The following BNC2 variants were observed in gnomAD, a reference collection of about 807,000 sequenced individuals.
BNC2 encodes basonuclin zinc finger protein 2, also known as zinc finger protein basonuclin-2.
A neutral mutation model predicts 76.3 loss-of-function variants in BNC2; 20 were observed. The ratio of observed to expected loss-of-function variants is 0.26; its 90% CI spans 0.18 to 0.38. The LOEUF (loss-of-function observed/expected upper bound fraction) is 0.38, where lower values mean the gene tolerates loss of function less well. BNC2 is among the 10% of genes least tolerant of loss of function. The probability of loss-of-function intolerance (pLI) is 1.00; values close to 1 mark genes in which losing one functional copy is unlikely to be tolerated. For missense variants in BNC2, 1,382 were observed against 1,399.8 expected, an observed-to-expected ratio of 0.99 and a Z score of 0.20; for synonymous variants, 582 against 514.8, an observed-to-expected ratio of 1.13 and a Z score of -1.77.
chr9:16,611,494 C>T (rs1027691647), intron 3 of BNC2, among the ~76,000 whole-genome samples: 1 of 152,070 alleles, frequency 6.6e-6, no homozygotes, highest in Non-Finnish European at 1.5e-5. Flanking sequence ...TCCAGGTTCC[C>T]AAGCAGCTCC....
intron 5 of BNC2, among the ~76,000 whole-genome samples, chr9:16,443,277 T>A (rs1381410999): frequency 6.6e-6 from 1 of 152,124 alleles, no homozygotes. Context: ...TAAAACAAAA[T>A]CAGAGGTTTG....
At chr9:16,799,637 C>T (rs1817735211) in intron 1 of BNC2, among the ~76,000 whole-genome samples, 1 of 152,072 alleles carries the variant, frequency 6.6e-6, no homozygotes, top group South Asian at 2.1e-4. Context: ...AAAATTAATC[C>T]CATTGTATTT....
chr9:16,599,409 G>A (rs147135242), intron 3 of BNC2, among the ~76,000 whole-genome samples: 68 of 152,288 alleles, frequency 4.5e-4, no homozygotes, highest in African/African-American at 1.6e-3. Flanking sequence ...GTACAAAAAC[G>A]TGTCATAACA....
intron 6 of BNC2, among the ~76,000 whole-genome samples, chr9:16,434,590 C>T (rs1256021746): frequency 6.6e-6 from 1 of 152,164 alleles, no homozygotes; most frequent in Non-Finnish European, 1.5e-5. Flanking sequence ...TGCTCACAAG[C>T]TTATCTGAAC....
chr9:16,555,067 T>A (rs113729359), intron 4 of BNC2, among the ~76,000 whole-genome samples: 2 of 151,490 alleles, frequency 1.3e-5, no homozygotes, highest in Non-Finnish European at 1.5e-5. Context: ...TCGCCCAGGC[T>A]GGAGGGCAGT....
At chr9:16,794,448 A>G (rs528191951) in intron 1 of BNC2, among the ~76,000 whole-genome samples, 6 of 152,296 alleles carry the variant, frequency 3.9e-5, no homozygotes, top group African/African-American at 1.4e-4. Context: ...GGGAAGAGAG[A>G]GGTGGGATAG....
chr9:16,623,899 CTTGT>C (rs1317582815), intron 3 of BNC2, among the ~76,000 whole-genome samples: 1 of 152,128 alleles, frequency 6.6e-6, no homozygotes, highest in Non-Finnish European at 1.5e-5. Context: ...TTTTTGTCTC[CTTGT>C]TTAATGTTTC....
chr9:16,428,519 T>C (rs1003700832), intron 6 of BNC2, among the ~76,000 whole-genome samples: 1 of 152,240 alleles, frequency 6.6e-6, no homozygotes, highest in Admixed American at 6.5e-5. Flanking sequence ...ATGTGGATGT[T>C]TATGTGTAAA....
At chr9:16,774,098 T>C (rs1327833440) in intron 1 of BNC2, among the ~76,000 whole-genome samples, 1 of 152,074 alleles carries the variant, frequency 6.6e-6, no homozygotes, top group Non-Finnish European at 1.5e-5. Flanking sequence ...TCTCATGCCT[T>C]ATCCTCCCAA....
chr9:16,759,190 G>T (rs1825479585), intron 1 of BNC2, among the ~76,000 whole-genome samples: 1 of 152,130 alleles, frequency 6.6e-6, no homozygotes, highest in African/African-American at 2.4e-5. Context: ...AGAAAGATAT[G>T]ATTTCATACA....
At chr9:16,840,395 G>T (rs1162170744) in intron 1 of BNC2, among the ~76,000 whole-genome samples, 1 of 152,204 alleles carries the variant, frequency 6.6e-6, no homozygotes, top group Non-Finnish European at 1.5e-5. Flanking sequence ...CGCAGTTAAT[G>T]AATGCCCATA....
rs1305346724 is a variant in BNC2, at chr9:16,738,359, C to A, written c.129+1G>T. 1.2e-6 allele frequency: 2 copies of A among 1,613,806 alleles called. No individual in the cohort carries two copies. Among genetic ancestry groups the A allele is most frequent in the African/African-American group, 1.3e-5 (1 of 75,012 alleles). On this transcript the variant is annotated splice_donor_variant, in intron 2 of 6. Coordinates refer to ENST00000380672, the MANE Select transcript of BNC2 (RefSeq NM_017637.6). LOFTEE classifies it high-confidence loss of function. ...AAGGGGGAAAAAAAAAACCAACATACCTCAATTTGAGATGTATCAACCCCA... is the reference window on the plus strand; with the variant it reads ...AAGGGGGAAAAAAAAAACCAACATAACTCAATTTGAGATGTATCAACCCCA...
chr9:16,689,273 T>C (rs889847389), intron 3 of BNC2, among the ~76,000 whole-genome samples: 3 of 150,034 alleles, frequency 2.0e-5, no homozygotes, highest in Admixed American at 1.3e-4. Flanking sequence ...TGAAGATGAA[T>C]GGCTGTGAAA....
At chr9:16,534,464 G>A (rs1374189850) in intron 5 of BNC2, among the ~76,000 whole-genome samples, 1 of 151,980 alleles carries the variant, frequency 6.6e-6, no homozygotes, top group African/African-American at 2.4e-5. Context: ...TCTCTAAACT[G>A]ACATAATATA....
chr9:16,786,572 G>GTAAA (rs1359804668), intron 1 of BNC2, among the ~76,000 whole-genome samples: 1 of 152,134 alleles, frequency 6.6e-6, no homozygotes, highest in Non-Finnish European at 1.5e-5. Flanking sequence ...GATATGAAAT[G>GTAAA]TAAACCCTTT....
intron 4 of BNC2, among the ~76,000 whole-genome samples, chr9:16,558,607 C>A (rs896026436): frequency 6.6e-6 from 1 of 152,128 alleles, no homozygotes; most frequent in African/African-American, 2.4e-5. Context: ...ATTACAACTA[C>A]CCTTTGAGGT....
intron 3 of BNC2, among the ~76,000 whole-genome samples, chr9:16,677,347 C>T (rs1822674484): frequency 6.6e-6 from 1 of 152,088 alleles, no homozygotes; most frequent in South Asian, 2.1e-4. Context: ...CTGAGGCTGG[C>T]AGATTACTTG....
At position 16,477,977 on chromosome 9, in the gene BNC2, G is replaced by T. The variant is rs531845712; in HGVS notation, c.670-40453C>A. Among the ~76,000 whole-genome samples, 4 of 152,192 alleles carry T rather than the reference G, an allele frequency of 2.6e-5. No homozygotes were observed. The East Asian group carries it at 7.7e-4, about 29-fold the overall frequency. The stretch of plus-strand genomic sequence containing the variant: ...AAAATTTCTCCTTAGAAAAAGACTT[G>T]AGCGGGCCCCTGCATCTTTCCATAT... On this transcript the variant is annotated intron_variant, in intron 5 of 6. Transcript: ENST00000380672.
At chr9:16,732,162 A>AAAAAAAAAAAAAAAT (rs59888253) in intron 2 of BNC2, among the ~76,000 whole-genome samples, 3 of 123,588 alleles carry the variant, frequency 2.4e-5, no homozygotes, top group Non-Finnish European at 5.1e-5. Flanking sequence ...TCCTGCAAAA[A>AAAAAAAAAAAAAAAT]AAAAAGAAAA....
Sources: gnomAD v4.1 joint callset for allele counts (sites outside exome capture counted in the v4.1 genomes callset) on GRCh38, gnomAD v4.1.1 for gene constraint, MANE v1.5 for transcripts, NCBI Gene and HGNC (gene_info 2026-07-23, HGNC 2026-07-21) for gene names.